Variants in SHCBP1 observed in about 807,000 individuals in gnomAD.
The protein encoded by SHCBP1 is SHC binding and spindle associated 1.
A neutral mutation model predicts 75.1 loss-of-function variants in SHCBP1; 60 were observed. The ratio of observed to expected loss-of-function variants is 0.80; its 90% CI spans 0.65 to 0.99. SHCBP1 has a LOEUF of 0.99. SHCBP1 is among the 50% of genes least tolerant of loss of function. The probability of loss-of-function intolerance (pLI) is 0.00; values close to 1 mark genes in which losing one functional copy is unlikely to be tolerated. For synonymous variants in SHCBP1, 290 were observed against 293.2 expected (o/e 0.99, Z 0.11); for missense variants, 709 against 809.4 (o/e 0.88, Z 1.50).
In SHCBP1 at chr16:46,583,618, T is replaced by C. The variant is rs772141428; in HGVS notation, c.1591A>G (p.Met531Val). Residue 531 changes from methionine (M) to valine (V), a missense_variant, in exon 12 of 13, where the codon ATG (methionine) becomes GTG (valine). Coordinates refer to ENST00000303383, the MANE Select transcript of SHCBP1 (RefSeq NM_024745.5). ...DEHYDIPKIS[M>V]VNNIIHNNEG... ...TTATTATGTATTATATTATTCACCA[T>C]GGATATCTTGGGAATGTCATAATGT... is the stretch of plus-strand genomic sequence containing the variant. The C allele has an allele frequency of 8.1e-6, 13 of 1,607,576 alleles. No homozygotes were observed. The highest frequency in any genetic ancestry group is 1.7e-5 in the Admixed American group (1 of 58,110).
chr16:46,618,278 A>G lies in SHCBP1; in HGVS notation c.198T>C (p.Phe66=). Residue 66 remains phenylalanine, a synonymous_variant, in exon 2 of 13, where the codon TTT becomes TTC. Transcript: ENST00000303383. The stretch of plus-strand genomic sequence containing the variant: ...GATTTGTTTGGAAAATTTCTGGGAA[A>G]AAGGTTTTTCCTTCTGGCATAAAAC... The part of the protein sequence containing the change: ...LQSFMPEGKT[F]FPEIFQTNQL... 6.2e-7 allele frequency: 1 copy of G among 1,614,036 alleles called. No homozygotes were observed. The highest frequency in any genetic ancestry group is 8.5e-7 in the Non-Finnish European group (1 of 1,179,962).
rs1965507730 is a variant in SHCBP1 at position 46,616,856 on chromosome 16, C to T, written c.388-702G>A. On this transcript the variant is annotated intron_variant, in intron 3 of 12. Coordinates refer to ENST00000303383, the MANE Select transcript of SHCBP1 (RefSeq NM_024745.5). This position sits in a 1 kb window ranked among gnomAD's most constrained non-coding sequence, Gnocchi z 4.4. Reference sequence around the variant, plus strand: ...CCAAATGAATAGGCCTGAACTTCAACCAAAAAATATTAGCACAATCCAAAA... The same window carrying T: ...CCAAATGAATAGGCCTGAACTTCAATCAAAAAATATTAGCACAATCCAAAA... Among the ~76,000 whole-genome samples the T allele has an allele frequency of 6.6e-6, 1 of 152,042 alleles. No individual in the cohort carries two copies. The highest frequency in any genetic ancestry group is 1.5e-5 in the Non-Finnish European group (1 of 68,018).
chr16:46,617,943 C>T (rs1965527538), intron 2 of SHCBP1, among the ~76,000 whole-genome samples, 194 bp from the exon 3 acceptor site: 2 of 152,146 alleles, frequency 1.3e-5, no homozygotes, highest in African/African-American at 4.8e-5. Context: ...TTTGGGAGGC[C>T]GAGGCAGGGG....
chr16:46,586,675 G>C (rs1367215889), intron 10 of SHCBP1, among the ~76,000 whole-genome samples: 1 of 152,138 alleles, frequency 6.6e-6, no homozygotes, highest in Non-Finnish European at 1.5e-5. Context: ...AATTAAACTA[G>C]TGTAAGCTTA....
chr16:46,583,944 T>A (rs529389434), intron 11 of SHCBP1, 59 bp downstream of exon 11: 5 of 1,417,440 alleles, frequency 3.5e-6, no homozygotes, highest in East Asian at 4.7e-5. Flanking sequence ...TAATAAAGCA[T>A]AATTTGTAGG....
intron 1 of SHCBP1, chr16:46,620,947 C>T (rs1596694516): frequency 3.0e-6 from 1 of 337,048 alleles, no homozygotes; most frequent in Non-Finnish European, 5.4e-6. Context: ...ACAGTAAATG[C>T]ACAGTTCCCG....
intron 4 of SHCBP1, 124 bp from the exon 5 acceptor site, chr16:46,608,513 C>T: frequency 1.5e-6 from 1 of 651,516 alleles, no homozygotes; most frequent in Non-Finnish European, 2.7e-6. Flanking sequence ...TGCATATTTG[C>T]TATGGTTGAT....
intron 2 of SHCBP1, 152 bp downstream of exon 2, chr16:46,618,053 G>A: frequency 1.3e-6 from 1 of 780,186 alleles, no homozygotes; most frequent in South Asian, 1.9e-5. Flanking sequence ...GCGCATGCCT[G>A]TAATCCCAGC....
At chr16:46,615,699 C>T (rs1367529067) in intron 4 of SHCBP1, among the ~76,000 whole-genome samples, 1 of 152,036 alleles carries the variant, frequency 6.6e-6, no homozygotes, top group Non-Finnish European at 1.5e-5. Flanking sequence ...GAGATCATGC[C>T]ACTGCACTCC....
chr16:46,614,564 G>C (rs1965467029), intron 4 of SHCBP1, among the ~76,000 whole-genome samples: 1 of 152,110 alleles, frequency 6.6e-6, no homozygotes, highest in Non-Finnish European at 1.5e-5. Context: ...AAGGGACAAG[G>C]GGTCCACTTG....
intron 4 of SHCBP1, among the ~76,000 whole-genome samples, chr16:46,611,666 A>G (rs2143001564): frequency 6.6e-6 from 1 of 152,304 alleles, no homozygotes; most frequent in South Asian, 2.1e-4. Flanking sequence ...AGAAACTTTA[A>G]CTTTTGTTTA....
chr16:46,609,357 T>C (rs1473947873), intron 4 of SHCBP1, among the ~76,000 whole-genome samples: 2 of 151,670 alleles, frequency 1.3e-5, no homozygotes, highest in African/African-American at 4.8e-5. Context: ...CAAGAACAAT[T>C]AGTTCCCTCT....
At chr16:46,583,720 CT>C in intron 11 of SHCBP1, 63 bp from the exon 12 acceptor site, 1 of 1,544,542 alleles carries the variant, frequency 6.5e-7, no homozygotes, top group Non-Finnish European at 8.7e-7. Context: ...CCTTAAAAAT[CT>C]TCTTTATTCA....
intron 4 of SHCBP1, among the ~76,000 whole-genome samples, chr16:46,613,239 T>A (rs1965446766): frequency 1.3e-5 from 2 of 152,176 alleles, no homozygotes; most frequent in South Asian, 4.1e-4. Flanking sequence ...GGCAAGAGGA[T>A]GCCTTGAGCC....
At chr16:46,588,660 G>T (rs886507235) in intron 10 of SHCBP1, among the ~76,000 whole-genome samples, 1 of 152,106 alleles carries the variant, frequency 6.6e-6, no homozygotes, top group African/African-American at 2.4e-5. Flanking sequence ...TAACAGGTTC[G>T]GAAATTGAGG....
At chr16:46,615,266 T>C (rs548652352) in intron 4 of SHCBP1, among the ~76,000 whole-genome samples, 21 of 152,332 alleles carry the variant, frequency 1.4e-4, no homozygotes, top group African/African-American at 5.1e-4. Flanking sequence ...AGGCTTCTTT[T>C]CTGGTCAACA....
chr16:46,617,324 C>T (rs1965515440), intron 3 of SHCBP1, among the ~76,000 whole-genome samples: 1 of 152,146 alleles, frequency 6.6e-6, no homozygotes, highest in Non-Finnish European at 1.5e-5. Flanking sequence ...GTTTGAGCTG[C>T]TTAACGAATT....
chr16:46,615,922 A>G, intron 4 of SHCBP1, 24 bp downstream of exon 4: 2 of 1,612,476 alleles, frequency 1.2e-6, no homozygotes, highest in Non-Finnish European at 1.7e-6. Flanking sequence ...CCACAAGGTT[A>G]TTTTTCTCAA....
intron 10 of SHCBP1, among the ~76,000 whole-genome samples, chr16:46,588,470 T>C (rs1964988329): frequency 6.6e-6 from 1 of 151,852 alleles, no homozygotes. Context: ...ATAGATGCAA[T>C]AAAAACTAAT....
Sources: gnomAD v4.1 joint callset for allele counts (sites outside exome capture counted in the v4.1 genomes callset) on GRCh38, gnomAD v4.1.1 for gene constraint, Gnocchi (gnomAD v3.1) non-coding constraint, MANE v1.5 for transcripts, NCBI Gene and HGNC (gene_info 2026-07-23, HGNC 2026-07-21) for gene names.